The following FRS2 variants were observed in gnomAD, a reference collection of about 807,000 sequenced individuals.
FRS2 encodes FGFR signalling adaptor.
In FRS2, 8 loss-of-function variants were observed where a neutral mutation model predicts 43.9. That is an observed-to-expected ratio of 0.18 (90% CI 0.11 to 0.33). The LOEUF is 0.33. Among genes scored for constraint, FRS2 ranks in the 10% least tolerant of loss-of-function variants. The probability of loss-of-function intolerance (pLI) is 1.00; values close to 1 mark genes in which losing one functional copy is unlikely to be tolerated. For missense variants in FRS2, 534 were observed against 627.6 expected, an observed-to-expected ratio of 0.85 and a Z score of 1.59; for synonymous variants, 219 against 220.3, an observed-to-expected ratio of 0.99 and a Z score of 0.05.
rs563951032 is a variant in FRS2, at chr12:69,478,966, A to G, written c.-261+8436A>G. Among the ~76,000 whole-genome samples the G allele has an allele frequency of 2.4e-3, 346 of 143,918 alleles. 2 individuals carry two copies. The highest frequency in any genetic ancestry group is 7.0e-3 in the Middle Eastern group (2 of 284). 94.4% of individuals were successfully genotyped at this position (143,918 alleles called of 152,430 possible). A position where few individuals can be genotyped will look rare whatever the true frequency, so the allele number is the denominator to read the frequency against. On this transcript the variant is annotated intron_variant, in intron 1 of 8. Coordinates refer to ENST00000549921, the MANE Select transcript of FRS2 (RefSeq NM_001278356.2). ...TGAATGTCTTTTTTTTTTTTTTAAC[A>G]TTTCCCTCTGTCTTGAAGTTTGGAA...
Position 69,532,423 on chromosome 12 carries a change from A to T in FRS2, c.-122+367A>T, listed in dbSNP as rs35988058. ...TGACTTGGAGGAGTAGAGGGTTCAT[A>T]GGAGCTCTCTTAGGGGCTGGTAGAT... On this transcript the variant is annotated intron_variant, in intron 3 of 8. Transcript: ENST00000549921. 2.5e-3 allele frequency among the ~76,000 whole-genome samples: 385 copies of T among 152,278 alleles called. 1 individual carries two copies. Among genetic ancestry groups the T allele is most frequent in the Non-Finnish European group, 3.9e-3 (263 of 68,020 alleles).
chr12:69,493,727 CA>C (rs1872656317), intron 1 of FRS2, among the ~76,000 whole-genome samples: 1 of 151,946 alleles, frequency 6.6e-6, no homozygotes, highest in Non-Finnish European at 1.5e-5. Flanking sequence ...GCCTCAAAAA[CA>C]AAACAAAACA....
At chr12:69,470,917 A>C (rs1445560639) in intron 1 of FRS2, among the ~76,000 whole-genome samples, 1 of 152,120 alleles carries the variant, frequency 6.6e-6, no homozygotes, top group Non-Finnish European at 1.5e-5. Flanking sequence ...CTTGGGCTCC[A>C]GTTCCCGACT....
chr12:69,503,426 T>C (rs1873639931), intron 1 of FRS2, among the ~76,000 whole-genome samples: 1 of 152,130 alleles, frequency 6.6e-6, no homozygotes, highest in Non-Finnish European at 1.5e-5. Context: ...CCCATCATAT[T>C]CATAGTCCTA....
chr12:69,509,739 A>G (rs1361922257), intron 1 of FRS2, among the ~76,000 whole-genome samples: 1 of 152,040 alleles, frequency 6.6e-6, no homozygotes, highest in East Asian at 1.9e-4. Flanking sequence ...AGCTTCCAAA[A>G]TGATGTTGAT....
intron 1 of FRS2, among the ~76,000 whole-genome samples, chr12:69,528,148 C>T (rs1044654480): frequency 2.0e-5 from 3 of 152,192 alleles, no homozygotes; most frequent in Non-Finnish European, 4.4e-5. Flanking sequence ...CCCTGGCTAT[C>T]TCTCTTAAGA....
chr12:69,475,330 G>C (rs1318877788), intron 1 of FRS2, among the ~76,000 whole-genome samples: 1 of 152,032 alleles, frequency 6.6e-6, no homozygotes, highest in Non-Finnish European at 1.5e-5. Flanking sequence ...TGGGAATGTC[G>C]AAAGAGTCCT....
At chr12:69,508,251 G>A (rs1874140762) in intron 1 of FRS2, among the ~76,000 whole-genome samples, 1 of 151,984 alleles carries the variant, frequency 6.6e-6, no homozygotes, top group Non-Finnish European at 1.5e-5. Context: ...GTCAAAATTT[G>A]GATTTGACCC....
chr12:69,474,898 T>C (rs1187017458), intron 1 of FRS2, among the ~76,000 whole-genome samples: 1 of 152,250 alleles, frequency 6.6e-6, no homozygotes, highest in African/African-American at 2.4e-5. Context: ...TTGCTTTTTA[T>C]AGAAAATGGC....
At chr12:69,526,782 G>A in intron 1 of FRS2, among the ~76,000 whole-genome samples, 1 of 151,636 alleles carries the variant, frequency 6.6e-6, no homozygotes, top group African/African-American at 2.4e-5. Context: ...AGAGTGCAGT[G>A]GCACGATCTC....
chr12:69,564,720 T>C (rs543457378), intron 4 of FRS2, among the ~76,000 whole-genome samples: 21 of 152,212 alleles, frequency 1.4e-4, no homozygotes, highest in Non-Finnish European at 1.8e-4. Context: ...AATCTCAAAC[T>C]GATTTTCTTT....
intron 4 of FRS2, among the ~76,000 whole-genome samples, chr12:69,568,596 T>C (rs1880492681): frequency 6.6e-6 from 1 of 152,046 alleles, no homozygotes; most frequent in African/African-American, 2.4e-5. Flanking sequence ...TCTGTCCCTC[T>C]CTGTCTCTCT....
chr12:69,539,726 C>T (rs144843280), intron 3 of FRS2, among the ~76,000 whole-genome samples: 28 of 152,040 alleles, frequency 1.8e-4, no homozygotes, highest in East Asian at 1.6e-3. Context: ...GAGGCCAAGG[C>T]GGGCAAATCA....
At chr12:69,548,705 G>A (rs1878622348) in intron 3 of FRS2, among the ~76,000 whole-genome samples, 1 of 152,202 alleles carries the variant, frequency 6.6e-6, no homozygotes, top group Non-Finnish European at 1.5e-5. Context: ...GCAGGTTAAG[G>A]GAAATCAGCA....
At chr12:69,506,261 G>GTTTTTGT (rs911651052) in intron 1 of FRS2, among the ~76,000 whole-genome samples, 1 of 151,948 alleles carries the variant, frequency 6.6e-6, no homozygotes, top group African/African-American at 2.4e-5. Flanking sequence ...GTTGGGGTTT[G>GTTTTTGT]TTTTTGTTTT....
chr12:69,559,053 G>C (rs1027844286), intron 3 of FRS2, among the ~76,000 whole-genome samples: 1 of 152,142 alleles, frequency 6.6e-6, no homozygotes, highest in African/African-American at 2.4e-5. Context: ...GCTCACACCT[G>C]TAATCCCAGC....
At chr12:69,493,709 G>T (rs1280004041) in intron 1 of FRS2, among the ~76,000 whole-genome samples, 1 of 152,088 alleles carries the variant, frequency 6.6e-6, no homozygotes, top group Non-Finnish European at 1.5e-5. Flanking sequence ...CAACAAGAGC[G>T]AAACTCCGCC....
chr12:69,544,591 C>T (rs1423234537), intron 3 of FRS2, among the ~76,000 whole-genome samples: 1 of 151,868 alleles, frequency 6.6e-6, no homozygotes, highest in Non-Finnish European at 1.5e-5. Context: ...CCTGTAATTC[C>T]AATTACTCAG....
chr12:69,491,504 CAT>C lies in FRS2; in HGVS notation c.-261+20975_-261+20976del, dbSNP rs1491531136. 12 of 113,962 alleles carry C rather than the reference CAT, an allele frequency of 1.1e-4. No individual in the cohort carries two copies. The East Asian group carries it at 2.7e-3, about 26-fold the overall frequency. The allele number at this position is 113,962 out of a possible 1,614,324, so 7.1% of individuals were successfully genotyped here. The stretch of plus-strand genomic sequence containing the variant: ...TTTCCTATCTTTGGTGCGTTTCTTC[CAT>C]TTTTTTTTTTTTTTTTTTTTTTTGG... On this transcript the variant is annotated intron_variant, in intron 1 of 8. Coordinates refer to ENST00000549921, the MANE Select transcript of FRS2 (RefSeq NM_001278356.2).
Sources: allele counts gnomAD v4.1 joint callset (sites outside exome capture counted in the v4.1 genomes callset), GRCh38; gene constraint gnomAD v4.1.1; transcripts MANE v1.5; gene names NCBI Gene and HGNC (gene_info 2026-07-23, HGNC 2026-07-21).